Variants in LETM1 observed in about 807,000 individuals in gnomAD.
LETM1 encodes the protein mitochondrial proton/calcium exchanger protein.
Under a neutral mutation model 74.5 loss-of-function variants are expected in LETM1, and 50 were observed. The observed-to-expected ratio is 0.67, with a 90% CI of 0.53 to 0.85. The LOEUF (loss-of-function observed/expected upper bound fraction) is 0.85, where lower values mean the gene tolerates loss of function less well. Ranked by LOEUF, LETM1 falls within the 40% of genes least tolerant of loss-of-function variation. The probability of loss-of-function intolerance (pLI) is 0.00; values close to 1 mark genes in which losing one functional copy is unlikely to be tolerated. For missense variants in LETM1, 824 were observed against 967.8 expected, an observed-to-expected ratio of 0.85 and a Z score of 1.97; for synonymous variants, 446 against 407.1, an observed-to-expected ratio of 1.10 and a Z score of -1.15.
Position 1,834,383 on chromosome 4 carries a change from G to A in LETM1, c.876+462C>T, listed in dbSNP as rs1045977267. On this transcript the variant is annotated intron_variant, in intron 5 of 13. Coordinates refer to ENST00000302787, the MANE Select transcript of LETM1 (RefSeq NM_012318.3). The surrounding 1 kb of genome is among the most constrained non-coding windows in gnomAD (Gnocchi z 5.0). Reference sequence around the variant, plus strand: ...TCCTCACCTCACTCACCACATGACCGCAGGAAACCTCAAGGGCCGCTCCTC... The same window carrying A: ...TCCTCACCTCACTCACCACATGACCACAGGAAACCTCAAGGGCCGCTCCTC... 5.0e-6 allele frequency: 5 copies of A among 990,608 alleles called. No individual in the cohort carries two copies. The Admixed American group carries it at 1.8e-4, about 36-fold the overall frequency. The allele number at this position is 990,608 out of a possible 1,614,324, so 61.4% of individuals were successfully genotyped here.
At chr4:1,838,568 A>G (rs1380399259) in intron 3 of LETM1, among the ~76,000 whole-genome samples, 1 of 152,186 alleles carries the variant, frequency 6.6e-6, no homozygotes, top group Non-Finnish European at 1.5e-5. Flanking sequence ...TCCCAGCTAC[A>G]CTGGAGGCTG....
chr4:1,850,392 C>T (rs1363467739), intron 1 of LETM1, among the ~76,000 whole-genome samples: 1 of 152,158 alleles, frequency 6.6e-6, no homozygotes, highest in Non-Finnish European at 1.5e-5. Flanking sequence ...GGAGGGAGCA[C>T]TCCTACCGGT....
In LETM1 at chr4:1,822,225, A is replaced by C. The variant is rs1283029240; in HGVS notation, c.1564T>G (p.Ser522Ala). The C allele has an allele frequency of 4.6e-6, 7 of 1,521,290 alleles. No individual in the cohort carries two copies. Among genetic ancestry groups the C allele is most frequent in the Non-Finnish European group, 6.2e-6 (7 of 1,124,470 alleles). 94.2% of individuals were successfully genotyped at this position (1,521,290 alleles called of 1,614,324 possible). Residue 522 changes from serine (S) to alanine (A), a missense_variant, in exon 10 of 14, where the codon TCA becomes GCA. Physicochemically the swap from Ser to Ala is moderately conservative, Grantham distance 99. Around this residue, in one of 4 missense-constraint regions of LETM1, gnomAD observed 172 missense variants for 170.7 expected, o/e 1.01. Transcript: ENST00000302787. ...QPEMPDTVLQ[S>A]ETLKDTAPVL... Reference sequence around the variant, plus strand: ...GGGGCAGTGTCCTTCAAGGTCTCTGACTGCAGGACTGTGTCAGGCATTTCT... The same window carrying C: ...GGGGCAGTGTCCTTCAAGGTCTCTGCCTGCAGGACTGTGTCAGGCATTTCT...
At chr4:1,815,287 G>A (rs1047715517) in intron 13 of LETM1, among the ~76,000 whole-genome samples, 1 of 152,120 alleles carries the variant, frequency 6.6e-6, no homozygotes, top group African/African-American at 2.4e-5. Context: ...TCTCAGCTTT[G>A]GGGGCCCCCG....
chr4:1,854,799 C>T (rs1713183009), intron 1 of LETM1, among the ~76,000 whole-genome samples: 1 of 151,734 alleles, frequency 6.6e-6, no homozygotes, highest in Admixed American at 6.6e-5. Flanking sequence ...TCTTTAAAAA[C>T]AAACAAACAA....
chr4:1,819,213 C>T, intron 11 of LETM1, 125 bp downstream of exon 11: 1 of 979,734 alleles, frequency 1.0e-6, no homozygotes, highest in South Asian at 1.7e-5. Flanking sequence ...ACGTGCTTTC[C>T]TCTCCAAATA....
chr4:1,846,935 A>G (rs887643370), intron 2 of LETM1, among the ~76,000 whole-genome samples: 3 of 152,254 alleles, frequency 2.0e-5, no homozygotes, highest in African/African-American at 7.2e-5. Context: ...ACAACTTAGC[A>G]ACTTACGGGA....
chr4:1,835,061 C>T (rs1296374273), intron 4 of LETM1, 79 bp from the exon 5 acceptor site: 26 of 1,387,546 alleles, frequency 1.9e-5, no homozygotes, highest in Admixed American at 1.8e-4. Flanking sequence ...CGCCTGTGCC[C>T]GACCCCCACT....
At chr4:1,855,506 AC>A (rs1439241612) in intron 1 of LETM1, among the ~76,000 whole-genome samples, 1 of 152,138 alleles carries the variant, frequency 6.6e-6, no homozygotes, top group East Asian at 1.9e-4. Flanking sequence ...CGTCTCCGGG[AC>A]CCCAAACGTG....
chr4:1,819,583 C>G (rs1711700146), intron 10 of LETM1, 111 bp from the exon 11 acceptor site: 3 of 1,232,824 alleles, frequency 2.4e-6, no homozygotes, highest in East Asian at 2.5e-5. Context: ...GGGCAAGAGT[C>G]TCACTGGACA....
Position 1,836,324 on chromosome 4 carries a change from A to C in LETM1, c.738+105T>G, listed in dbSNP as rs1216663259. 1 of 1,113,270 alleles carries C rather than the reference A, an allele frequency of 9.0e-7. No homozygotes were observed. Among genetic ancestry groups the C allele is most frequent in the Non-Finnish European group, 1.3e-6 (1 of 744,844 alleles). The allele number at this position is 1,113,270 out of a possible 1,614,324, so 69.0% of individuals were successfully genotyped here. On this transcript the variant is annotated intron_variant, in intron 4 of 13. Transcript: ENST00000302787. The surrounding 1 kb of genome is among the most constrained non-coding windows in gnomAD (Gnocchi z 5.8). ...CAGCACAAGGACAATATGAAGATAC[A>C]TAAAGTCTCAAAAATATCTAGCACC... is the stretch of plus-strand genomic sequence containing the variant.
chr4:1,854,611 C>T lies in LETM1; in HGVS notation c.82+1258G>A, dbSNP rs188698778. Among the ~76,000 whole-genome samples the T allele has an allele frequency of 7.3e-3, 1,100 of 151,544 alleles. 10 individuals carry two copies. The highest frequency in any genetic ancestry group is 0.011 in the Non-Finnish European group (777 of 67,928). ...GAGTTCGAGACCCGCCTGGCCAAGA[C>T]GGAGAAAACAGTCTCTACTAAAAAT... On this transcript the variant is annotated intron_variant, in intron 1 of 13. Coordinates refer to ENST00000302787, the MANE Select transcript of LETM1 (RefSeq NM_012318.3).
At chr4:1,829,213 C>T (rs551267358) in intron 6 of LETM1, among the ~76,000 whole-genome samples, 5 of 115,086 alleles carry the variant, frequency 4.3e-5, no homozygotes, top group Admixed American at 3.3e-4. Context: ...GCTGGCCGGG[C>T]GGGGGGCCGA....
At chr4:1,828,986 G>T (rs1712144599) in intron 6 of LETM1, among the ~76,000 whole-genome samples, 1 of 116,464 alleles carries the variant, frequency 8.6e-6, no homozygotes, top group Non-Finnish European at 1.8e-5. Flanking sequence ...GCCGGGCAGG[G>T]GGGCTGACCC....
intron 2 of LETM1, among the ~76,000 whole-genome samples, chr4:1,848,292 T>C (rs1327921726): frequency 6.6e-6 from 1 of 152,042 alleles, no homozygotes; most frequent in Non-Finnish European, 1.5e-5. Context: ...CTCATGCCTG[T>C]AATCCCAGCA....
At chr4:1,849,431 A>T (rs1013375041) in intron 1 of LETM1, among the ~76,000 whole-genome samples, 3 of 147,134 alleles carry the variant, frequency 2.0e-5, no homozygotes, top group Admixed American at 6.8e-5. Context: ...TGCCCAGCTA[A>T]TTTTTTTTTT....
At chr4:1,849,385 C>A (rs1346146099) in intron 1 of LETM1, among the ~76,000 whole-genome samples, 176 bp from the exon 2 acceptor site, 2 of 152,178 alleles carry the variant, frequency 1.3e-5, no homozygotes, top group Non-Finnish European at 2.9e-5. Context: ...CTGCCTCAGC[C>A]TCCTGAGTAG....
chr4:1,839,298 C>T (rs1712603288), intron 3 of LETM1: 1 of 152,150 alleles, frequency 6.6e-6, no homozygotes, highest in Non-Finnish European at 1.5e-5. Flanking sequence ...AACAACTCAC[C>T]CAGAGGGACA....
At chr4:1,825,477 G>T in intron 7 of LETM1, 87 bp downstream of exon 7, 2 of 1,516,068 alleles carry the variant, frequency 1.3e-6, no homozygotes, top group Non-Finnish European at 1.8e-6. Context: ...CCGGCCCAGA[G>T]TTTGGGAAGA....
Sources: allele counts gnomAD v4.1 joint callset (sites outside exome capture counted in the v4.1 genomes callset), GRCh38; gene constraint gnomAD v4.1.1; regional missense constraint gnomAD v4.1.1; non-coding constraint Gnocchi (gnomAD v3.1); transcripts MANE v1.5; gene names NCBI Gene and HGNC (gene_info 2026-07-23, HGNC 2026-07-21).